STAG1: variants seen among roughly 807,000 people sequenced by gnomAD.
STAG1 encodes the protein cohesin subunit SA-1.
In STAG1, 26 loss-of-function variants were observed where a neutral mutation model predicts 170.9. The ratio of observed to expected loss-of-function variants is 0.15; its 90% confidence interval spans 0.11 to 0.21. The LOEUF is 0.21. Among genes scored for constraint, STAG1 ranks in the 10% least tolerant of loss-of-function variants. STAG1 has a pLI of 1.00. For missense variants in STAG1, 964 were observed against 1,509.5 expected (o/e 0.64, Z 5.99); for synonymous variants, 514 against 497.7 (o/e 1.03, Z -0.44).
At chr3:136,397,315 C>T (rs950400284) in intron 22 of STAG1, among the ~76,000 whole-genome samples, 3 of 152,154 alleles carry the variant, frequency 2.0e-5, no homozygotes, top group Admixed American at 6.6e-5. Flanking sequence ...TTGCTGTGAG[C>T]TCATTTTGCT....
At position 136,388,788 on chromosome 3, in the gene STAG1, A is replaced by G. The variant is rs143489942; in HGVS notation, c.2277+9961T>C. Among the ~76,000 whole-genome samples, 144 of 152,344 alleles carry G rather than the reference A, an allele frequency of 9.5e-4. 2 individuals are homozygous for G. In the East Asian group the frequency reaches 0.027, roughly 28 times the overall value. On this transcript the variant is annotated intron_variant, in intron 22 of 33. Transcript: ENST00000383202. The stretch of plus-strand genomic sequence containing the variant: ...AAAACCTACTGTAGTAAGGAAAATG[A>G]TTACTGTACCACTTAGGGGATATTA...
intron 1 of STAG1, among the ~76,000 whole-genome samples, chr3:136,725,718 A>C (rs1373302642): frequency 1.3e-5 from 2 of 152,228 alleles, no homozygotes; most frequent in Non-Finnish European, 2.9e-5. Context: ...TAAGATTTCA[A>C]AGCAATGAAT....
chr3:136,442,800 A>T (rs1467137896), intron 15 of STAG1, among the ~76,000 whole-genome samples: 1 of 152,036 alleles, frequency 6.6e-6, no homozygotes, highest in Non-Finnish European at 1.5e-5. Context: ...AGCACTTTGG[A>T]GGGCTAAGGC....
At chr3:136,367,495 C>G (rs1387278272) in intron 24 of STAG1, among the ~76,000 whole-genome samples, 1 of 152,062 alleles carries the variant, frequency 6.6e-6, no homozygotes, top group African/African-American at 2.4e-5. Flanking sequence ...TACTGAGAGA[C>G]AGCTGTATAA....
chr3:136,510,841 A>C (rs1934030717), intron 7 of STAG1, among the ~76,000 whole-genome samples: 1 of 151,670 alleles, frequency 6.6e-6, no homozygotes, highest in South Asian at 2.1e-4. Flanking sequence ...GCAGTAGTGC[A>C]ATCTTGACTC....
chr3:136,533,904 A>G (rs1294852782), intron 6 of STAG1, among the ~76,000 whole-genome samples: 2 of 152,244 alleles, frequency 1.3e-5, no homozygotes, highest in Non-Finnish European at 2.9e-5. Context: ...TGGAACCAAA[A>G]GAGAACTGGA....
At chr3:136,448,629 C>A (rs138768561) in intron 14 of STAG1, among the ~76,000 whole-genome samples, 3 of 152,212 alleles carry the variant, frequency 2.0e-5, no homozygotes, top group African/African-American at 2.4e-5. Context: ...CCATATCAGT[C>A]TGTAACTAAT....
chr3:136,336,880 C>CTACTT lies in STAG1; in HGVS notation c.*1369_*1373dup, dbSNP rs1290933030. On this transcript the variant is annotated 3_prime_UTR_variant, in exon 34 of 34. Coordinates refer to ENST00000383202, the MANE Select transcript of STAG1 (RefSeq NM_005862.3). ...GGAAAGCCTCATGATTCTGTTGCAG[C>CTACTT]TACTTTAAAAACCAGCCCAGAAACA... 12 of 152,308 alleles carry CTACTT rather than the reference C, an allele frequency of 7.9e-5. No individual in the cohort carries two copies. The highest frequency in any genetic ancestry group is 3.4e-3 in the Middle Eastern group (1 of 294). The allele number at this position is 152,308 out of a possible 1,614,324, so 9.4% of individuals were successfully genotyped here.
chr3:136,344,523 G>C (rs990868680), intron 29 of STAG1, among the ~76,000 whole-genome samples: 2 of 152,176 alleles, frequency 1.3e-5, no homozygotes, highest in Non-Finnish European at 2.9e-5. Context: ...TACATGTGGA[G>C]ATGGGTTGAA....
intron 21 of STAG1, among the ~76,000 whole-genome samples, chr3:136,400,165 C>T (rs531945011): frequency 1.3e-5 from 2 of 152,122 alleles, no homozygotes; most frequent in African/African-American, 4.8e-5. Flanking sequence ...TCAAGCAATC[C>T]ACCTGCCTTG....
chr3:136,587,638 A>G (rs577612023), intron 4 of STAG1, among the ~76,000 whole-genome samples: 1 of 152,164 alleles, frequency 6.6e-6, no homozygotes, highest in African/African-American at 2.4e-5. Context: ...TAAAGGGAAA[A>G]CAGAACTAAA....
chr3:136,532,712 C>G lies in STAG1; in HGVS notation c.471+9407G>C, dbSNP rs576076355. 5.3e-5 allele frequency among the ~76,000 whole-genome samples: 8 copies of G among 152,184 alleles called. No homozygotes were observed. In the South Asian group the frequency reaches 1.7e-3, roughly 32 times the overall value. On this transcript the variant is annotated intron_variant, in intron 6 of 33. Coordinates refer to ENST00000383202, the MANE Select transcript of STAG1 (RefSeq NM_005862.3). ...TGCAGAAAAAGCATTTGGTAAAATC[C>G]AACAACGCTTCATGATAAAAATTCT... is the stretch of plus-strand genomic sequence containing the variant.
At chr3:136,419,852 C>T (rs2087897983) in intron 20 of STAG1, among the ~76,000 whole-genome samples, 1 of 151,894 alleles carries the variant, frequency 6.6e-6, no homozygotes, top group Non-Finnish European at 1.5e-5. Context: ...ATAAAATAAG[C>T]CTAATTTGTT....
intron 1 of STAG1, among the ~76,000 whole-genome samples, chr3:136,650,146 G>A (rs2107854937): frequency 6.6e-6 from 1 of 151,816 alleles, no homozygotes; most frequent in East Asian, 2.0e-4. Flanking sequence ...TGAGGTGAGA[G>A]GATGGCTGAA....
intron 22 of STAG1, among the ~76,000 whole-genome samples, chr3:136,389,133 T>C (rs546089827): frequency 6.6e-6 from 1 of 152,256 alleles, no homozygotes; most frequent in East Asian, 1.9e-4. Context: ...ATGTAATACT[T>C]GTTACTTAGA....
intron 6 of STAG1, among the ~76,000 whole-genome samples, chr3:136,530,560 G>A (rs943981795): frequency 6.6e-6 from 1 of 152,026 alleles, no homozygotes; most frequent in African/African-American, 2.4e-5. Context: ...AAAATCATAT[G>A]AAATATCTTC....
At chr3:136,658,297 G>A (rs1016757797) in intron 1 of STAG1, among the ~76,000 whole-genome samples, 1 of 151,412 alleles carries the variant, frequency 6.6e-6, no homozygotes, top group Non-Finnish European at 1.5e-5. Flanking sequence ...AAGGTGTTTT[G>A]TCAAAAAAAG....
intron 9 of STAG1, among the ~76,000 whole-genome samples, chr3:136,498,334 GCATT>G (rs1442562616): frequency 1.5e-5 from 2 of 135,074 alleles, no homozygotes; most frequent in African/African-American, 5.6e-5. Context: ...GGCTAGCAAC[GCATT>G]CAATGATAAA....
chr3:136,521,063 G>A (rs757637317), intron 7 of STAG1, 150 bp downstream of exon 7: 4 of 692,528 alleles, frequency 5.8e-6, no homozygotes, highest in South Asian at 2.3e-5. Context: ...TGCCAGTTAT[G>A]AAAACAGGCA....
Sources: gnomAD v4.1 joint callset for allele counts (sites outside exome capture counted in the v4.1 genomes callset) on GRCh38, gnomAD v4.1.1 for gene constraint, MANE v1.5 for transcripts, NCBI Gene and HGNC (gene_info 2026-07-23, HGNC 2026-07-21) for gene names.